PTPRC: variants seen among roughly 807,000 people sequenced by gnomAD.
The protein encoded by PTPRC is protein tyrosine phosphatase receptor type C.
In PTPRC, 44 loss-of-function variants were observed where a neutral mutation model predicts 155.9. The ratio of observed to expected loss-of-function variants is 0.28; its 90% CI spans 0.22 to 0.36. PTPRC has a LOEUF of 0.36. Ranked by LOEUF, PTPRC falls within the 10% of genes least tolerant of loss-of-function variation. The probability of loss-of-function intolerance (pLI) is 1.00; values close to 1 mark genes in which losing one functional copy is unlikely to be tolerated. For synonymous variants in PTPRC, 525 were observed against 533.1 expected (o/e 0.98, Z 0.21); for missense variants, 1,401 against 1,564.6 (o/e 0.90, Z 1.76).
intron 18 of PTPRC, among the ~76,000 whole-genome samples, 193 bp downstream of exon 18, chr1:198,731,919 C>G (rs1362514355): frequency 6.6e-6 from 1 of 151,820 alleles, no homozygotes; most frequent in Non-Finnish European, 1.5e-5. Context: ...TAGTGTAGAG[C>G]TAGTAAATAT....
At position 198,756,606 on chromosome 1, in the gene PTPRC, A is replaced by C. The variant is rs1183572357; in HGVS notation, c.*425A>C. ...GAAGGATCTGTTTTTAAAAATCATAAACTGTGTGCAGACTCAATAAAATCA... is the reference window on the plus strand; with the variant it reads ...GAAGGATCTGTTTTTAAAAATCATACACTGTGTGCAGACTCAATAAAATCA... On this transcript the variant is annotated 3_prime_UTR_variant, in exon 33 of 33. Coordinates refer to ENST00000442510, the MANE Select transcript of PTPRC (RefSeq NM_002838.5). The C allele has an allele frequency of 5.2e-6, 1 of 192,546 alleles. No homozygotes were observed. The highest frequency in any genetic ancestry group is 1.1e-5 in the Non-Finnish European group (1 of 92,224). The allele number at this position is 192,546 out of a possible 1,614,324, so 11.9% of individuals were successfully genotyped here. A position where few individuals can be genotyped will look rare whatever the true frequency, so the allele number is the denominator to read the frequency against.
At chr1:198,644,352 A>G (rs1662817097) in intron 2 of PTPRC, among the ~76,000 whole-genome samples, 1 of 151,872 alleles carries the variant, frequency 6.6e-6, no homozygotes, top group Non-Finnish European at 1.5e-5. Flanking sequence ...CACCAGAAAA[A>G]AAATATGGCA....
intron 2 of PTPRC, among the ~76,000 whole-genome samples, chr1:198,680,500 A>C (rs1280333584): frequency 1.3e-5 from 2 of 152,098 alleles, no homozygotes; most frequent in African/African-American, 2.4e-5. Context: ...ACTGAAGAGG[A>C]ATGATGTAAA....
Position 198,648,743 on chromosome 1 carries a change from A to G in PTPRC, c.73+9402A>G, listed in dbSNP as rs567170280. 5.9e-5 allele frequency among the ~76,000 whole-genome samples: 9 copies of G among 151,988 alleles called. No individual in the cohort carries two copies. In the East Asian group the frequency reaches 1.6e-3, roughly 26 times the overall value. On this transcript the variant is annotated intron_variant, in intron 2 of 32. Coordinates refer to ENST00000442510, the MANE Select transcript of PTPRC (RefSeq NM_002838.5). Reference sequence around the variant, plus strand: ...CATCTTTGATTAATTTGTCTTCACTATGAATACTGATGTGATGTGTTACAA... The same window carrying G: ...CATCTTTGATTAATTTGTCTTCACTGTGAATACTGATGTGATGTGTTACAA...
At chr1:198,661,668 G>A (rs1663975395) in intron 2 of PTPRC, among the ~76,000 whole-genome samples, 1 of 151,882 alleles carries the variant, frequency 6.6e-6, no homozygotes, top group African/African-American at 2.4e-5. Flanking sequence ...AAAGGTTCTT[G>A]GGGACTATCT....
chr1:198,643,620 C>T (rs1662767963), intron 2 of PTPRC, among the ~76,000 whole-genome samples: 1 of 151,890 alleles, frequency 6.6e-6, no homozygotes, highest in Admixed American at 6.6e-5. Context: ...AGCCTCCTGA[C>T]TTCCTAAAAG....
chr1:198,647,175 T>G (rs1169156532), intron 2 of PTPRC, among the ~76,000 whole-genome samples: 1 of 151,912 alleles, frequency 6.6e-6, no homozygotes, highest in Non-Finnish European at 1.5e-5. Context: ...CCTATCCCAC[T>G]TGTATAACCC....
At chr1:198,670,460 CA>C (rs1224521355) in intron 2 of PTPRC, among the ~76,000 whole-genome samples, 1 of 151,966 alleles carries the variant, frequency 6.6e-6, no homozygotes, top group Non-Finnish European at 1.5e-5. Context: ...ATAACTTACA[CA>C]AAAAATTTTA....
chr1:198,713,626 C>T (rs561644717), intron 12 of PTPRC, among the ~76,000 whole-genome samples: 5 of 152,004 alleles, frequency 3.3e-5, no homozygotes, highest in Non-Finnish European at 5.9e-5. Context: ...AAGAAATGTG[C>T]TATGACTAGT....
chr1:198,756,238 G>A lies in PTPRC; in HGVS notation c.*57G>A, dbSNP rs1655653952. On this transcript the variant is annotated 3_prime_UTR_variant, in exon 33 of 33. Coordinates refer to ENST00000442510, the MANE Select transcript of PTPRC (RefSeq NM_002838.5). ...CCTGTTAGCTGTTATTTCTATTTTT[G>A]TAGAAGTAGGAAGTGAAAATAGGTA... 1.9e-6 allele frequency: 3 copies of A among 1,598,296 alleles called. No homozygotes were observed.
At chr1:198,715,275 A>G (rs1035649669) in intron 12 of PTPRC, among the ~76,000 whole-genome samples, 9 of 151,724 alleles carry the variant, frequency 5.9e-5, no homozygotes, top group Non-Finnish European at 4.4e-5. Flanking sequence ...GGCGCCCGCC[A>G]CCACGCCCGG....
chr1:198,755,920 C>T lies in PTPRC; in HGVS notation c.3660C>T (p.Phe1220=), dbSNP rs1558043257. 6.2e-7 allele frequency: 1 copy of T among 1,610,774 alleles called. No individual in the cohort carries two copies. Among genetic ancestry groups the T allele is most frequent in the Admixed American group, 1.7e-5 (1 of 59,884 alleles). The change falls in exon 33 of 33, where the codon TTC becomes TTT. Residue 1220 remains phenylalanine, a synonymous_variant. Transcript: ENST00000442510. The part of the protein sequence containing the change: ...GMVSTFEQYQ[F]LYDVIASTYP... ...TCCTTTACTAGGAGCAATATCAATT[C>T]CTATATGACGTCATTGCCAGCACCT...
At chr1:198,702,620 G>A (rs995223109) in intron 6 of PTPRC, 90 bp downstream of exon 6, 1 of 1,534,080 alleles carries the variant, frequency 6.5e-7, no homozygotes, top group South Asian at 1.1e-5. Flanking sequence ...TTTTGTGCCA[G>A]ATATTATTTG....
At chr1:198,748,627 G>C (rs1349159653) in intron 27 of PTPRC, among the ~76,000 whole-genome samples, 1 of 151,678 alleles carries the variant, frequency 6.6e-6, no homozygotes, top group East Asian at 1.9e-4. Context: ...CTGGGAGGTT[G>C]AAAGTAAGGG....
chr1:198,674,863 A>AG (rs1408147369), intron 2 of PTPRC, among the ~76,000 whole-genome samples: 4 of 152,172 alleles, frequency 2.6e-5, no homozygotes, highest in Non-Finnish European at 1.5e-5. Context: ...TGTTAAAACT[A>AG]AGAAGTAACC....
At chr1:198,671,423 A>G (rs12061543) in intron 2 of PTPRC, among the ~76,000 whole-genome samples, 1 of 152,112 alleles carries the variant, frequency 6.6e-6, no homozygotes, top group Non-Finnish European at 1.5e-5. Flanking sequence ...TATCTCAGCC[A>G]TCTGGCTCCT....
In PTPRC at chr1:198,708,032, C is replaced by A. The variant is rs1352891444; in HGVS notation, c.905-101C>A. On this transcript the variant is annotated intron_variant, in intron 9 of 32. Coordinates refer to ENST00000442510, the MANE Select transcript of PTPRC (RefSeq NM_002838.5). ...TCCTTGCCAAATTCTATGTCATTAG[C>A]ATAATTTCAGTGGCTTTAACTGACA... 3 of 1,095,766 alleles carry A rather than the reference C, an allele frequency of 2.7e-6. No individual in the cohort carries two copies. The East Asian group carries it at 7.5e-5, about 27-fold the overall frequency. The allele number at this position is 1,095,766 out of a possible 1,614,324, so 67.9% of individuals were successfully genotyped here. A position where few individuals can be genotyped will look rare whatever the true frequency, so the allele number is the denominator to read the frequency against.
At chr1:198,716,546 A>C (rs1653593398) in intron 12 of PTPRC, 136 bp from the exon 13 acceptor site, 1 of 721,792 alleles carries the variant, frequency 1.4e-6, no homozygotes, top group Non-Finnish European at 2.4e-6. Flanking sequence ...TTGAGTATCA[A>C]GGATGTACTT....
chr1:198,750,529 G>T lies in PTPRC; in HGVS notation c.3110G>T (p.Gly1037Val). The T allele has an allele frequency of 6.2e-7, 1 of 1,612,336 alleles. No individual in the cohort carries two copies. Among genetic ancestry groups the T allele is most frequent in the Non-Finnish European group, 8.5e-7 (1 of 1,178,822 alleles). Residue 1037 changes from glycine to valine, a missense_variant, in exon 29 of 33, where the codon GGA (glycine) becomes GTA (valine). By Grantham distance (109) the Gly-to-Val change is moderately radical. Coordinates refer to ENST00000442510, the MANE Select transcript of PTPRC (RefSeq NM_002838.5). ...CCTGAAGTGATGATTGCTGCTCAGGGACCACTGAAGGAGACCATTGGTGAC... is the reference window on the plus strand; with the variant it reads ...CCTGAAGTGATGATTGCTGCTCAGGTACCACTGAAGGAGACCATTGGTGAC... The part of the protein sequence containing the change: ...WKPEVMIAAQ[G>V]PLKETIGDFW...
Sources: gnomAD v4.1 joint callset for allele counts (sites outside exome capture counted in the v4.1 genomes callset) on GRCh38, gnomAD v4.1.1 for gene constraint, MANE v1.5 for transcripts, NCBI Gene and HGNC (gene_info 2026-07-23, HGNC 2026-07-21) for gene names.